ABCC11: variants seen among roughly 807,000 people sequenced by gnomAD.
The protein encoded by ABCC11 is ATP-binding cassette sub-family C member 11.
Under a neutral mutation model 149.3 loss-of-function variants are expected in ABCC11, and 135 were observed. The ratio of observed to expected loss-of-function variants is 0.90; its 90% CI spans 0.79 to 1.04. ABCC11 has a LOEUF of 1.04. Among genes scored for constraint, ABCC11 ranks in the 50% least tolerant of loss-of-function variants. The pLI is 0.00. For missense variants in ABCC11, 1,680 were observed against 1,722.1 expected (o/e 0.98, Z 0.43); for synonymous variants, 665 against 671.4 (o/e 0.99, Z 0.15).
chr16:48,176,808 A>G (rs10163354), intron 25 of ABCC11, 116 bp downstream of exon 25: 209,783 of 1,230,944 alleles, frequency 0.17, 20,073 homozygotes, highest in African/African-American at 0.3. Flanking sequence ...CCAGCACAGC[A>G]TGAGGACCTA....
chr16:48,213,680 T>C (rs150872611), intron 9 of ABCC11, 130 bp from the exon 10 acceptor site: 127 of 661,948 alleles, frequency 1.9e-4, no homozygotes, highest in African/African-American at 1.9e-3. Context: ...GAGGCTAAGC[T>C]AGTGTTTGGA....
At chr16:48,233,449 A>C (rs996944903) in intron 1 of ABCC11, among the ~76,000 whole-genome samples, 1 of 152,220 alleles carries the variant, frequency 6.6e-6, no homozygotes, top group Admixed American at 6.5e-5. Flanking sequence ...GTAGTGGTAG[A>C]ATGTGGACAC....
At chr16:48,198,781 G>A (rs1477589204) in intron 15 of ABCC11, among the ~76,000 whole-genome samples, 1 of 151,992 alleles carries the variant, frequency 6.6e-6, no homozygotes, top group Non-Finnish European at 1.5e-5. Context: ...GCTCATGCTT[G>A]TAATTCCAGC....
At chr16:48,228,087 C>G in intron 3 of ABCC11, 123 bp from the exon 4 acceptor site, 2 of 920,722 alleles carry the variant, frequency 2.2e-6, no homozygotes, top group Non-Finnish European at 3.1e-6. Flanking sequence ...TTTCATGACT[C>G]TTATTTGTAA....
intron 1 of ABCC11, chr16:48,235,102 A>C (rs533906335): frequency 1.6e-4 from 24 of 152,362 alleles, no homozygotes; most frequent in Non-Finnish European, 2.9e-4. Context: ...ATTTATAAAG[A>C]CCAAGTAAAG....
chr16:48,245,195 T>G (rs1331473340), intron 1 of ABCC11, among the ~76,000 whole-genome samples: 5 of 152,162 alleles, frequency 3.3e-5, no homozygotes, highest in East Asian at 1.9e-4. Context: ...ATCCTTCTGT[T>G]TCCCTTTGTA....
At chr16:48,196,398 A>G in intron 17 of ABCC11, 77 bp from the exon 18 acceptor site, 1 of 1,391,454 alleles carries the variant, frequency 7.2e-7, no homozygotes, top group Non-Finnish European at 1.0e-6. Flanking sequence ...TCTGGCTTCG[A>G]TCCTGTGCCA....
rs1427744845 is a variant in ABCC11, at chr16:48,215,289, T to C, written c.1007A>G (p.Asp336Gly). 1 of 1,614,198 alleles carries C rather than the reference T, an allele frequency of 6.2e-7. No individual in the cohort carries two copies. Among genetic ancestry groups the C allele is most frequent in the Non-Finnish European group, 8.5e-7 (1 of 1,180,000 alleles). The change falls in exon 8 of 30, where the codon GAC becomes GGC. Residue 336 changes from aspartate (D) to glycine (G), a missense_variant. Asp to Gly is a moderately conservative substitution (Grantham distance 94). Transcript: ENST00000356608. The stretch of plus-strand genomic sequence containing the variant: ...TTCACTGGTCACACGGATGCGCTGG[T>C]CGCTGACCTCAGATGTGTGATGCTG... The part of the protein sequence containing the change: ...KAQHHTSEVS[D>G]QRIRVTSEVL...
intron 6 of ABCC11, among the ~76,000 whole-genome samples, chr16:48,220,673 A>G (rs773622843): frequency 4.6e-5 from 7 of 152,234 alleles, no homozygotes; most frequent in Non-Finnish European, 1.0e-4. Context: ...AGAGAGGCTG[A>G]ACAAATTACC....
At chr16:48,201,276 T>G (rs1967945352) in intron 14 of ABCC11, among the ~76,000 whole-genome samples, 1 of 151,900 alleles carries the variant, frequency 6.6e-6, no homozygotes, top group South Asian at 2.1e-4. Context: ...ATTATTCTGG[T>G]TTTATTTATT....
At chr16:48,243,661 A>G (rs1003680481) in intron 1 of ABCC11, among the ~76,000 whole-genome samples, 2 of 152,190 alleles carry the variant, frequency 1.3e-5, no homozygotes, top group Non-Finnish European at 2.9e-5. Context: ...AACTGGGTGA[A>G]AGGTATATAG....
At chr16:48,199,170 TA>T (rs887094227) in intron 15 of ABCC11, among the ~76,000 whole-genome samples, 12 of 151,814 alleles carry the variant, frequency 7.9e-5, no homozygotes, top group Admixed American at 6.6e-4. Flanking sequence ...CTATAAAGTT[TA>T]AAAATATGCA....
chr16:48,238,922 G>A (rs1378825379), intron 1 of ABCC11, among the ~76,000 whole-genome samples: 2 of 123,062 alleles, frequency 1.6e-5, no homozygotes, highest in Non-Finnish European at 3.2e-5. Context: ...GGGCGACAGA[G>A]GAGACTCTGT....
intron 1 of ABCC11, among the ~76,000 whole-genome samples, chr16:48,245,039 C>G (rs184647001): frequency 4.1e-4 from 63 of 152,244 alleles, no homozygotes; most frequent in African/African-American, 1.4e-3. Context: ...TCCTATCCGC[C>G]TCCCCTTTTC....
intron 12 of ABCC11, among the ~76,000 whole-genome samples, chr16:48,207,614 C>A (rs1442035628): frequency 6.6e-6 from 1 of 150,392 alleles, no homozygotes; most frequent in Non-Finnish European, 1.5e-5. Context: ...TTGCAGTGAG[C>A]CAAGATCACA....
intron 1 of ABCC11, among the ~76,000 whole-genome samples, chr16:48,233,621 C>A (rs975689184): frequency 2.0e-5 from 3 of 152,156 alleles, no homozygotes; most frequent in Non-Finnish European, 4.4e-5. Context: ...TAGAATGAGG[C>A]CCTGTGGATG....
intron 6 of ABCC11, among the ~76,000 whole-genome samples, chr16:48,220,964 C>T (rs946852128): frequency 3.9e-5 from 6 of 152,130 alleles, no homozygotes; most frequent in African/African-American, 1.4e-4. Flanking sequence ...GCAGGGAATG[C>T]CAGTAGAAGG....
intron 13 of ABCC11, 67 bp from the exon 14 acceptor site, chr16:48,203,367 C>A: frequency 7.1e-7 from 1 of 1,406,238 alleles, no homozygotes; most frequent in South Asian, 1.2e-5. Flanking sequence ...TTCCCAGTGT[C>A]GAGAGGAATG....
At chr16:48,217,103 A>G (rs1969396410) in intron 6 of ABCC11, among the ~76,000 whole-genome samples, 1 of 152,112 alleles carries the variant, frequency 6.6e-6, no homozygotes. Flanking sequence ...TCAAAAACCC[A>G]GTGTCAAAGT....
Sources: gnomAD v4.1 joint callset for allele counts (sites outside exome capture counted in the v4.1 genomes callset) on GRCh38, gnomAD v4.1.1 for gene constraint, MANE v1.5 for transcripts, NCBI Gene and HGNC (gene_info 2026-07-23, HGNC 2026-07-21) for gene names.